The following KTN1 variants were observed in gnomAD, a reference collection of about 807,000 sequenced individuals.
KTN1 encodes kinectin.
Under a neutral mutation model 222.5 loss-of-function variants are expected in KTN1, and 130 were observed. The ratio of observed to expected loss-of-function variants is 0.58; its 90% confidence interval spans 0.51 to 0.68. KTN1 has a LOEUF of 0.68. KTN1 is among the 30% of genes least tolerant of loss of function. KTN1 has a pLI of 0.00. For missense variants in KTN1, 1,508 were observed against 1,500.4 expected, an observed-to-expected ratio of 1.01 and a Z score of -0.08; for synonymous variants, 512 against 496.3, an observed-to-expected ratio of 1.03 and a Z score of -0.42.
At chr14:55,648,435 A>C (rs899350550) in intron 20 of KTN1, among the ~76,000 whole-genome samples, 1 of 152,200 alleles carries the variant, frequency 6.6e-6, no homozygotes, top group Non-Finnish European at 1.5e-5. Context: ...ATTCTATTTT[A>C]TGGTTGTCAT....
At chr14:55,672,319 A>G (rs141299840) in intron 37 of KTN1, 148 of 250,094 alleles carry the variant, frequency 5.9e-4, no homozygotes, top group African/African-American at 3.0e-3. Flanking sequence ...TTTGGGGCCA[A>G]TGTGCAGAAT....
At chr14:55,595,532 C>T (rs1267050224) in intron 1 of KTN1, among the ~76,000 whole-genome samples, 1 of 152,186 alleles carries the variant, frequency 6.6e-6, no homozygotes, top group Non-Finnish European at 1.5e-5. Flanking sequence ...TTCTCATCCT[C>T]ATATTCAACA....
At position 55,658,551 on chromosome 14, in the gene KTN1, A is replaced by G. The variant is rs1423064172; in HGVS notation, c.2898A>G (p.Val966=). The part of the protein sequence containing the change: ...LSSKTQLLQD[V]QDENKLFKSQ... ...TTTAATTTTTATTTAATTAGGATGT[A>G]CAAGATGAAAACAAATTGTTTAAGT... Residue 966 remains valine, a synonymous_variant, in exon 30 of 44, where the codon GTA becomes GTG. Coordinates refer to ENST00000395314, the MANE Select transcript of KTN1 (RefSeq NM_001079521.2). 1.3e-6 allele frequency: 2 copies of G among 1,571,360 alleles called. No individual in the cohort carries two copies. The highest frequency in any genetic ancestry group is 1.7e-6 in the Non-Finnish European group (2 of 1,142,956).
chr14:55,673,125 T>C (rs747320807), intron 39 of KTN1, 47 bp from the exon 40 acceptor site: 101 of 1,518,024 alleles, frequency 6.7e-5, no homozygotes, highest in Non-Finnish European at 3.1e-5. Flanking sequence ...ATACAAAACA[T>C]GGGCTATCAT....
intron 10 of KTN1, 26 bp from the exon 11 acceptor site, chr14:55,637,172 C>T: frequency 6.5e-7 from 1 of 1,542,392 alleles, no homozygotes; most frequent in Non-Finnish European, 8.8e-7. Context: ...AAAGAGACCT[C>T]TGTAAAATGT....
At chr14:55,640,334 T>G in intron 14 of KTN1, 40 bp from the exon 15 acceptor site, 1 of 1,289,356 alleles carries the variant, frequency 7.8e-7, no homozygotes, top group Non-Finnish European at 1.1e-6. Flanking sequence ...TTAAAATCAG[T>G]TGTATTAAGT....
At chr14:55,613,901 A>G (rs143377764) in intron 2 of KTN1, among the ~76,000 whole-genome samples, 2 of 152,320 alleles carry the variant, frequency 1.3e-5, no homozygotes, top group East Asian at 1.9e-4. Context: ...TAGAGAAAGT[A>G]TAGAGGAAAT....
intron 1 of KTN1, among the ~76,000 whole-genome samples, chr14:55,588,178 A>G (rs910627219): frequency 2.6e-5 from 4 of 152,216 alleles, no homozygotes; most frequent in Non-Finnish European, 5.9e-5. Flanking sequence ...CGTTATATGT[A>G]TTATATACTG....
intron 1 of KTN1, among the ~76,000 whole-genome samples, chr14:55,603,011 T>G (rs1036005182): frequency 6.6e-6 from 1 of 152,166 alleles, no homozygotes; most frequent in African/African-American, 2.4e-5. Context: ...GGTCTGTGCT[T>G]TTATATTCTT....
chr14:55,584,722 A>G lies in KTN1; in HGVS notation c.-31+4368A>G, dbSNP rs574511440. Among the ~76,000 whole-genome samples, 109 of 152,296 alleles carry G rather than the reference A, an allele frequency of 7.2e-4. No homozygotes were observed. In the South Asian group the frequency reaches 0.023, roughly 32 times the overall value. ...TCTCTTCCACATAACCCTCAAACAC[A>G]GTATTACATAGCTTCTATGAGGGTA... On this transcript the variant is annotated intron_variant, in intron 1 of 43. Transcript: ENST00000395314.
chr14:55,639,112 C>G (rs904555006), intron 12 of KTN1, 73 bp from the exon 13 acceptor site: 1 of 954,368 alleles, frequency 1.0e-6, no homozygotes, highest in East Asian at 2.4e-5. Flanking sequence ...AAATTTAAAG[C>G]TGTTATGATT....
intron 1 of KTN1, among the ~76,000 whole-genome samples, chr14:55,582,086 G>T (rs1171589712): frequency 6.6e-6 from 1 of 151,828 alleles, no homozygotes; most frequent in Non-Finnish European, 1.5e-5. Context: ...ATTTACTTGA[G>T]GCTGATAATG....
chr14:55,677,245 G>A (rs944185746), intron 41 of KTN1, among the ~76,000 whole-genome samples: 6 of 152,114 alleles, frequency 3.9e-5, no homozygotes, highest in Admixed American at 1.3e-4. Flanking sequence ...GGAGGCCAAG[G>A]TGGGCGGATC....
At position 55,656,122 on chromosome 14, in the gene KTN1, A is replaced by G. The variant is rs112891365; in HGVS notation, c.2882A>G (p.Gln961Arg). The G allele has an allele frequency of 6.3e-7, 1 of 1,590,978 alleles. No homozygotes were observed. The highest frequency in any genetic ancestry group is 2.2e-5 in the East Asian group (1 of 44,600). Reference sequence around the variant, plus strand: ...GAGAGTGATCTTTCTAGCAAAACACAGCTGTTACAGGTGAATATGGTGACT... The same window carrying G: ...GAGAGTGATCTTTCTAGCAAAACACGGCTGTTACAGGTGAATATGGTGACT... The part of the protein sequence containing the change: ...ERESDLSSKT[Q>R]LLQDVQDENK... The change falls in exon 29 of 44, where the codon CAG (glutamine) becomes CGG (arginine). Residue 961 changes from glutamine to arginine, a missense_variant. Physicochemically the swap from Gln to Arg is conservative, Grantham distance 43. Coordinates refer to ENST00000395314, the MANE Select transcript of KTN1 (RefSeq NM_001079521.2).
At chr14:55,637,889 C>T (rs1212784562) in intron 12 of KTN1, 42 bp downstream of exon 12, 1 of 1,449,480 alleles carries the variant, frequency 6.9e-7, no homozygotes, top group Non-Finnish European at 9.6e-7. Flanking sequence ...TAACTTGCAG[C>T]CATTTAAACA....
At chr14:55,663,056 A>T in intron 32 of KTN1, 1 of 442,722 alleles carries the variant, frequency 2.3e-6, no homozygotes, top group Non-Finnish European at 4.6e-6. Context: ...TCAGTTTCCT[A>T]ACTTACTTGA....
At position 55,684,565 on chromosome 14, in the gene KTN1, T is replaced by C. The variant is rs2046618763; in HGVS notation, c.*462T>C. ...GTAATGGCGTCAGCAAATAAAAGGA[T>C]GCTTATTATTCAAACTTGACTTGTT... On this transcript the variant is annotated 3_prime_UTR_variant, in exon 44 of 44. Transcript: ENST00000395314. 1 of 189,058 alleles carries C rather than the reference T, an allele frequency of 5.3e-6. No individual in the cohort carries two copies. The highest frequency in any genetic ancestry group is 1.1e-5 in the Non-Finnish European group (1 of 90,022). 11.7% of individuals were successfully genotyped at this position (189,058 alleles called of 1,614,324 possible). A position where few individuals can be genotyped will look rare whatever the true frequency, so the allele number is the denominator to read the frequency against.
At chr14:55,581,941 G>A (rs1425936329) in intron 1 of KTN1, among the ~76,000 whole-genome samples, 1 of 149,892 alleles carries the variant, frequency 6.7e-6, no homozygotes, top group African/African-American at 2.5e-5. Context: ...GATCTAACCT[G>A]AAATAGCTGG....
At position 55,671,619 on chromosome 14, in the gene KTN1, A is replaced by C; in HGVS notation, c.3402A>C (p.Leu1134=). ...EADEMHTLLQ[L]ECEKYKSVLA... is the part of the protein sequence containing the mutation. ...ATGAAATGCACACATTGTTACAGCT[A>C]GAGTGTGAAAAATACAAATCCGTCC... The change falls in exon 36 of 44, where the codon CTA becomes CTC. Residue 1134 remains leucine (L), a synonymous_variant. Coordinates refer to ENST00000395314, the MANE Select transcript of KTN1 (RefSeq NM_001079521.2). 6.2e-7 allele frequency: 1 copy of C among 1,613,106 alleles called. No homozygotes were observed. Among genetic ancestry groups the C allele is most frequent in the Non-Finnish European group, 8.5e-7 (1 of 1,179,524 alleles).
Sources: allele counts gnomAD v4.1 joint callset (sites outside exome capture counted in the v4.1 genomes callset), GRCh38; gene constraint gnomAD v4.1.1; transcripts MANE v1.5; gene names NCBI Gene and HGNC (gene_info 2026-07-23, HGNC 2026-07-21).